Variants in PRPF38A observed in about 807,000 individuals in gnomAD.
PRPF38A encodes pre-mRNA processing factor 38A, also known as pre-mRNA-splicing factor 38A.
In PRPF38A, 11 loss-of-function variants were observed where a neutral mutation model predicts 46.8. The observed-to-expected ratio is 0.24, with a 90% CI of 0.15 to 0.39. The LOEUF is 0.39. Ranked by LOEUF, PRPF38A falls within the 10% of genes least tolerant of loss-of-function variation. The pLI is 1.00. For synonymous variants in PRPF38A, 124 were observed against 136.2 expected, an observed-to-expected ratio of 0.91 and a Z score of 0.62; for missense variants, 261 against 407.5, an observed-to-expected ratio of 0.64 and a Z score of 3.10.
At chr1:52,407,469 T>G (rs1648030783) in intron 2 of PRPF38A, among the ~76,000 whole-genome samples, 1 of 152,238 alleles carries the variant, frequency 6.6e-6, no homozygotes, top group Non-Finnish European at 1.5e-5. Context: ...TTTACAAGGA[T>G]TGAGAAAACA....
Position 52,410,279 on chromosome 1 carries a change from G to A in PRPF38A, c.413-836G>A, listed in dbSNP as rs549339938. Among the ~76,000 whole-genome samples the A allele has an allele frequency of 1.2e-4, 18 of 148,264 alleles. No homozygotes were observed. The South Asian group carries it at 3.8e-3, about 31-fold the overall frequency. On this transcript the variant is annotated intron_variant, in intron 3 of 9. Coordinates refer to ENST00000257181, the MANE Select transcript of PRPF38A (RefSeq NM_032864.4). ...ATTGCACCACTGCACTCCAGCCTGG[G>A]CAAAAGTGAGACTCCGTCTCAAAAA... is the stretch of plus-strand genomic sequence containing the variant.
At chr1:52,412,735 C>G (rs1158138721) in intron 5 of PRPF38A, 111 bp downstream of exon 5, 2 of 689,052 alleles carry the variant, frequency 2.9e-6, no homozygotes, top group Non-Finnish European at 4.9e-6. Flanking sequence ...CGTGGTCGCT[C>G]AAGCCTGTAA....
rs556578387 is a variant in PRPF38A at position 52,414,812 on chromosome 1, G to A, written c.800G>A (p.Arg267His). Reference protein sequence around the residue: ...RHRSKSPRRHRSRSRDRRHRS... With the variant: ...RHRSKSPRRHHSRSRDRRHRS... ...CGGAGCAAGAGTCCAAGACGTCACC[G>A]CAGCAGGTCCCGAGATCGGCGGCAC... The change falls in exon 8 of 10, where the codon CGC (arginine) becomes CAC (histidine). Residue 267 changes from arginine (R) to histidine (H), a missense_variant. Physicochemically the swap from Arg to His is conservative, Grantham distance 29. Coordinates refer to ENST00000257181, the MANE Select transcript of PRPF38A (RefSeq NM_032864.4). 8.7e-6 allele frequency: 14 copies of A among 1,614,024 alleles called. No homozygotes were observed. Among genetic ancestry groups the A allele is most frequent in the Non-Finnish European group, 1.2e-5 (14 of 1,180,032 alleles).
In PRPF38A at chr1:52,408,639, G is replaced by A. The variant is rs1648067663; in HGVS notation, c.361G>A (p.Glu121Lys). 1.9e-6 allele frequency: 3 copies of A among 1,614,038 alleles called. No homozygotes were observed. ...TGCAATTGATTGCTACAAGTACTTG[G>A]AACCTTTGTACAATGACTATCGAAA... ...GTAIDCYKYL[E>K]PLYNDYRKIK... Residue 121 changes from glutamate (E) to lysine (K), a missense_variant, in exon 3 of 10, where the codon GAA becomes AAA. Physicochemically the swap from Glu to Lys is moderately conservative, Grantham distance 56. Around this residue, in one of 2 missense-constraint regions of PRPF38A, gnomAD observed 81 missense variants for 186.5 expected, o/e 0.43. Transcript: ENST00000257181.
chr1:52,411,155 A>T lies in PRPF38A; in HGVS notation c.453A>T (p.Leu151=), dbSNP rs747480296. 13 of 1,613,864 alleles carry T rather than the reference A, an allele frequency of 8.1e-6. No individual in the cohort carries two copies. In the Admixed American group the frequency reaches 2.2e-4, roughly 27 times the overall value. ...LMHVDEFIDE[L]LHSERVCDII... ...ATGTTGATGAGTTTATTGATGAACT[A>T]TTGCACAGTGAGAGAGTCTGTGATA... The change falls in exon 4 of 10, where the codon CTA becomes CTT. Residue 151 remains leucine, a synonymous_variant. Transcript: ENST00000257181.
At chr1:52,414,728 C>T in intron 7 of PRPF38A, 34 bp from the exon 8 acceptor site, 2 of 1,613,780 alleles carry the variant, frequency 1.2e-6, no homozygotes, top group Non-Finnish European at 1.7e-6. Context: ...ATATTGCTAA[C>T]CAGATCTGGT....
chr1:52,405,025 A>G, intron 1 of PRPF38A, 146 bp downstream of exon 1: 1 of 844,300 alleles, frequency 1.2e-6, no homozygotes. Context: ...GTGCCTGCTA[A>G]GTGCCTCGTC....
chr1:52,410,697 T>G (rs1648124746), intron 3 of PRPF38A, among the ~76,000 whole-genome samples: 1 of 152,114 alleles, frequency 6.6e-6, no homozygotes, highest in African/African-American at 2.4e-5. Context: ...AGATGGGGTT[T>G]CGCCATGTTG....
At position 52,416,716 on chromosome 1, in the gene PRPF38A, A is replaced by C; in HGVS notation, c.*26A>C. On this transcript the variant is annotated 3_prime_UTR_variant, in exon 10 of 10. Coordinates refer to ENST00000257181, the MANE Select transcript of PRPF38A (RefSeq NM_032864.4). Reference sequence around the variant, plus strand: ...TGGACTCAGTTTGGTTTTAGTCCACATGGCCTCCTGTGGATATAAGGATAT... The same window carrying C: ...TGGACTCAGTTTGGTTTTAGTCCACCTGGCCTCCTGTGGATATAAGGATAT... 6.4e-7 allele frequency: 1 copy of C among 1,561,368 alleles called. No individual in the cohort carries two copies. The highest frequency in any genetic ancestry group is 8.8e-7 in the Non-Finnish European group (1 of 1,131,812).
At chr1:52,413,315 G>C (rs1648196442) in intron 5 of PRPF38A, among the ~76,000 whole-genome samples, 1 of 152,160 alleles carries the variant, frequency 6.6e-6, no homozygotes, top group Non-Finnish European at 1.5e-5. Flanking sequence ...TTTAGGAGGG[G>C]GAAAATGTCA....
chr1:52,411,554 C>T lies in PRPF38A; in HGVS notation c.498+354C>T, dbSNP rs578245479. Reference sequence around the variant, plus strand: ...AAGAAATTTATTCAGGATGTTACATCAAGGGTATTGTAGCTAGAGTAGGTA... The same window carrying T: ...AAGAAATTTATTCAGGATGTTACATTAAGGGTATTGTAGCTAGAGTAGGTA... On this transcript the variant is annotated intron_variant, in intron 4 of 9. Coordinates refer to ENST00000257181, the MANE Select transcript of PRPF38A (RefSeq NM_032864.4). 1.6e-4 allele frequency among the ~76,000 whole-genome samples: 25 copies of T among 152,206 alleles called. 1 individual carries two copies. The South Asian group carries it at 4.8e-3, about 29-fold the overall frequency.
In PRPF38A at chr1:52,418,602, A is replaced by G. The variant is rs1429898750; in HGVS notation, c.*1912A>G. 6.6e-6 allele frequency: 1 copy of G among 152,234 alleles called. No individual in the cohort carries two copies. Among genetic ancestry groups the G allele is most frequent in the African/African-American group, 2.4e-5 (1 of 41,450 alleles). 9.4% of individuals were successfully genotyped at this position (152,234 alleles called of 1,614,324 possible). The stretch of plus-strand genomic sequence containing the variant: ...AAAATTGAGGTACCACAGCCAATCA[A>G]TAGCAGGAAAGAGAATGTCCCTATT... On this transcript the variant is annotated 3_prime_UTR_variant, in exon 10 of 10. Coordinates refer to ENST00000257181, the MANE Select transcript of PRPF38A (RefSeq NM_032864.4).
rs546001302 is a variant in PRPF38A at position 52,414,352 on chromosome 1, T to C, written c.723-269T>C. Among the ~76,000 whole-genome samples the C allele has an allele frequency of 3.3e-5, 5 of 152,318 alleles. No homozygotes were observed. In the East Asian group the frequency reaches 7.7e-4, roughly 24 times the overall value. ...TAAGTTGGGCATATTCTCATGGTAG[T>C]GGCAGAACTCAAGAGCAAACAAACC... On this transcript the variant is annotated intron_variant, in intron 6 of 9. Transcript: ENST00000257181.
At chr1:52,416,252 G>T (rs181110699) in intron 9 of PRPF38A, among the ~76,000 whole-genome samples, 71 of 151,868 alleles carry the variant, frequency 4.7e-4, no homozygotes, top group African/African-American at 1.4e-3. Context: ...GCAGTTTAAT[G>T]AATATTGAGT....
intron 4 of PRPF38A, 142 bp downstream of exon 4, chr1:52,411,342 C>G: frequency 1.6e-6 from 1 of 608,416 alleles, no homozygotes; most frequent in Non-Finnish European, 2.9e-6. Context: ...CTGGGAGTCC[C>G]AAGATAGTGG....
In PRPF38A at chr1:52,418,399, C is replaced by T. The variant is rs756957156; in HGVS notation, c.*1709C>T. ...TGTCTTCTGGCATGGACAGAAATGACCCATGGACCAACCAAGCTGTCATCC... is the reference window on the plus strand; with the variant it reads ...TGTCTTCTGGCATGGACAGAAATGATCCATGGACCAACCAAGCTGTCATCC... On this transcript the variant is annotated 3_prime_UTR_variant, in exon 10 of 10. Transcript: ENST00000257181. 1 of 152,110 alleles carries T rather than the reference C, an allele frequency of 6.6e-6. No individual in the cohort carries two copies. The highest frequency in any genetic ancestry group is 1.5e-5 in the Non-Finnish European group (1 of 68,020). The allele number at this position is 152,110 out of a possible 1,614,324, so 9.4% of individuals were successfully genotyped here.
At position 52,419,980 on chromosome 1, in the gene PRPF38A, A is replaced by C. The variant is rs1201132410; in HGVS notation, c.*3290A>C. 6.6e-6 allele frequency: 1 copy of C among 152,430 alleles called. No individual in the cohort carries two copies. Among genetic ancestry groups the C allele is most frequent in the Non-Finnish European group, 1.5e-5 (1 of 68,246 alleles). The allele number at this position is 152,430 out of a possible 1,614,324, so 9.4% of individuals were successfully genotyped here. A position where few individuals can be genotyped will look rare whatever the true frequency, so the allele number is the denominator to read the frequency against. On this transcript the variant is annotated 3_prime_UTR_variant, in exon 10 of 10. Transcript: ENST00000257181. ...CGTGAATCCGGGAGGCGGAGCTTTCAGTGAGCCGAGATCGCGCCATTGCAC... is the reference window on the plus strand; with the variant it reads ...CGTGAATCCGGGAGGCGGAGCTTTCCGTGAGCCGAGATCGCGCCATTGCAC...
intron 4 of PRPF38A, among the ~76,000 whole-genome samples, chr1:52,412,045 T>C (rs1298288134): frequency 6.6e-6 from 1 of 152,148 alleles, no homozygotes; most frequent in African/African-American, 2.4e-5. Flanking sequence ...CAAATAAACA[T>C]TGCTAAGCCA....
chr1:52,415,832 CTTTTTTTTT>C (rs71041898), intron 9 of PRPF38A, among the ~76,000 whole-genome samples: 120 of 51,616 alleles, frequency 2.3e-3, no homozygotes, highest in South Asian at 4.1e-3. Context: ...TGGGTGCACT[CTTTTTTTTT>C]TTTTTTTTTT....
Sources: gnomAD v4.1 joint callset for allele counts (sites outside exome capture counted in the v4.1 genomes callset) on GRCh38, gnomAD v4.1.1 for gene constraint, gnomAD v4.1.1 regional missense constraint, MANE v1.5 for transcripts, NCBI Gene and HGNC (gene_info 2026-07-23, HGNC 2026-07-21) for gene names.